Variants in COMMD10 observed in about 807,000 individuals in gnomAD.
COMMD10 encodes COMM domain-containing protein 10.
In COMMD10, 33 loss-of-function variants were observed where a neutral mutation model predicts 28.9. That is an observed-to-expected ratio of 1.14 (90% CI 0.87 to 1.53). COMMD10 has a LOEUF of 1.53. Among genes scored for constraint, COMMD10 ranks in the 40% most tolerant of loss-of-function variants. The pLI is 0.00. For synonymous variants in COMMD10, 110 were observed against 81.7 expected (o/e 1.35, Z -1.87); for missense variants, 310 against 233.4 (o/e 1.33, Z -2.14).
At chr5:116,189,688 A>G (rs989258904) in intron 5 of COMMD10, among the ~76,000 whole-genome samples, 4 of 151,692 alleles carry the variant, frequency 2.6e-5, no homozygotes, top group African/African-American at 9.7e-5. Flanking sequence ...CCAGAACCCT[A>G]AATTTCAGTT....
intron 5 of COMMD10, among the ~76,000 whole-genome samples, chr5:116,265,785 T>C (rs1750568180): frequency 6.6e-6 from 1 of 151,600 alleles, no homozygotes; most frequent in Admixed American, 6.6e-5. Context: ...TTGCTCAAGG[T>C]CACACAGCCA....
chr5:116,199,292 C>T (rs1580542302), intron 5 of COMMD10, among the ~76,000 whole-genome samples: 1 of 152,012 alleles, frequency 6.6e-6, no homozygotes, highest in African/African-American at 2.4e-5. Context: ...TTTTGGCTCA[C>T]TTTTAAGCTG....
chr5:116,116,574 G>A lies in COMMD10; in HGVS notation c.400-17494G>A, dbSNP rs140035380. ...CTGCCTTTTTTGTTACTTTAGTTTCGGTATGTTATGTAAAAGGCATAGGTT... is the reference window on the plus strand; with the variant it reads ...CTGCCTTTTTTGTTACTTTAGTTTCAGTATGTTATGTAAAAGGCATAGGTT... On this transcript the variant is annotated intron_variant, in intron 4 of 6. Coordinates refer to ENST00000274458, the MANE Select transcript of COMMD10 (RefSeq NM_016144.4). Among the ~76,000 whole-genome samples, 151 of 152,168 alleles carry A rather than the reference G, an allele frequency of 9.9e-4. 3 individuals carry two copies. In the East Asian group the frequency reaches 0.023, roughly 23 times the overall value.
At chr5:116,186,484 C>G (rs763738498) in intron 5 of COMMD10, among the ~76,000 whole-genome samples, 23 of 152,164 alleles carry the variant, frequency 1.5e-4, no homozygotes, top group Middle Eastern at 3.2e-3. Flanking sequence ...GGGAAACACT[C>G]TCTGCCTTCC....
intron 5 of COMMD10, among the ~76,000 whole-genome samples, chr5:116,194,886 C>T (rs1446595839): frequency 6.6e-6 from 1 of 152,044 alleles, no homozygotes; most frequent in East Asian, 1.9e-4. Flanking sequence ...AGACCAATAC[C>T]CTTGATGAAC....
intron 5 of COMMD10, among the ~76,000 whole-genome samples, chr5:116,143,992 A>C (rs1218781165): frequency 1.3e-5 from 2 of 151,914 alleles, no homozygotes; most frequent in East Asian, 3.9e-4. Flanking sequence ...CAGGCAGAGA[A>C]GTTTTCAGAT....
At chr5:116,290,903 A>C (rs1561411546) in intron 5 of COMMD10, among the ~76,000 whole-genome samples, 1 of 152,204 alleles carries the variant, frequency 6.6e-6, no homozygotes, top group African/African-American at 2.4e-5. Context: ...CATATACAAT[A>C]TTACCTAGCA....
At chr5:116,139,810 A>C (rs1752138684) in intron 5 of COMMD10, among the ~76,000 whole-genome samples, 1 of 151,736 alleles carries the variant, frequency 6.6e-6, no homozygotes, top group Non-Finnish European at 1.5e-5. Flanking sequence ...TTTTGATATA[A>C]ATATACATAG....
At chr5:116,178,663 A>G (rs535066738) in intron 5 of COMMD10, among the ~76,000 whole-genome samples, 2 of 152,220 alleles carry the variant, frequency 1.3e-5, no homozygotes, top group African/African-American at 2.4e-5. Context: ...ATCAGGAGAT[A>G]TATCATCTCA....
intron 5 of COMMD10, among the ~76,000 whole-genome samples, chr5:116,226,868 A>G (rs1390541238): frequency 6.6e-6 from 1 of 152,060 alleles, no homozygotes; most frequent in Non-Finnish European, 1.5e-5. Context: ...ATGAATTACT[A>G]AAGACTTTAC....
At chr5:116,110,409 G>A (rs1037262096) in intron 4 of COMMD10, among the ~76,000 whole-genome samples, 1 of 152,126 alleles carries the variant, frequency 6.6e-6, no homozygotes, top group African/African-American at 2.4e-5. Context: ...CCTTTCCCCT[G>A]TTCCAACTTT....
chr5:116,122,408 G>A (rs566776116), intron 4 of COMMD10, among the ~76,000 whole-genome samples: 11 of 152,308 alleles, frequency 7.2e-5, no homozygotes, highest in South Asian at 2.1e-4. Context: ...TTTGAAGTCC[G>A]GTAACGTGAT....
At chr5:116,128,784 A>G (rs1304138201) in intron 4 of COMMD10, among the ~76,000 whole-genome samples, 1 of 152,010 alleles carries the variant, frequency 6.6e-6, no homozygotes, top group African/African-American at 2.4e-5. Context: ...TTTCTGAAGT[A>G]TACGTGCCAC....
At chr5:116,263,420 A>G (rs1413173227) in intron 5 of COMMD10, among the ~76,000 whole-genome samples, 3 of 151,814 alleles carry the variant, frequency 2.0e-5, no homozygotes, top group African/African-American at 7.3e-5. Context: ...TTTCCTTGCC[A>G]TACCTTGAAA....
chr5:116,256,941 C>T (rs983321761), intron 5 of COMMD10, among the ~76,000 whole-genome samples: 2 of 151,664 alleles, frequency 1.3e-5, no homozygotes, highest in South Asian at 2.1e-4. Flanking sequence ...CTTACTCACA[C>T]ATATGTACTT....
At chr5:116,197,884 G>A (rs575798401) in intron 5 of COMMD10, among the ~76,000 whole-genome samples, 6 of 152,248 alleles carry the variant, frequency 3.9e-5, no homozygotes, top group Non-Finnish European at 2.9e-5. Context: ...GTCAGTAGGA[G>A]AAGTAGAAAT....
chr5:116,283,285 C>T (rs868215502), intron 5 of COMMD10, among the ~76,000 whole-genome samples: 7 of 151,732 alleles, frequency 4.6e-5, no homozygotes, highest in Admixed American at 6.6e-5. Flanking sequence ...AAAACTTATT[C>T]ATTTGTATGG....
At chr5:116,279,294 T>C (rs1170765397) in intron 5 of COMMD10, among the ~76,000 whole-genome samples, 1 of 151,946 alleles carries the variant, frequency 6.6e-6, no homozygotes, top group Non-Finnish European at 1.5e-5. Flanking sequence ...TTTTTGCTGC[T>C]TACATTCTTA....
At chr5:116,168,157 G>C (rs1450224832) in intron 5 of COMMD10, among the ~76,000 whole-genome samples, 1 of 21,942 alleles carries the variant, frequency 4.6e-5, no homozygotes, top group Non-Finnish European at 1.2e-4. Flanking sequence ...AAAATGGAAA[G>C]CAAAAAAAAA....
Sources: gnomAD v4.1 joint callset for allele counts (sites outside exome capture counted in the v4.1 genomes callset) on GRCh38, gnomAD v4.1.1 for gene constraint, MANE v1.5 for transcripts, NCBI Gene and HGNC (gene_info 2026-07-23, HGNC 2026-07-21) for gene names.